The following MAGI1 variants were observed in gnomAD, a reference collection of about 807,000 sequenced individuals.
MAGI1 encodes the protein membrane-associated guanylate kinase, WW and PDZ domain-containing protein 1.
MAGI1 carries 58 observed loss-of-function variants against 139.9 expected under a neutral mutation model. That is an observed-to-expected ratio of 0.41 (90% CI 0.34 to 0.52). The LOEUF (loss-of-function observed/expected upper bound fraction) is 0.52. Among genes scored for constraint, MAGI1 ranks in the 20% least tolerant of loss-of-function variants. The pLI, the probability that MAGI1 is intolerant of heterozygous loss-of-function variation, is 0.12. For synonymous variants in MAGI1, 812 were observed against 737.9 expected (o/e 1.10, Z -1.63); for missense variants, 1,874 against 1,901.6 (o/e 0.99, Z 0.27).
At chr3:65,968,662 T>A (rs958919426) in intron 1 of MAGI1, among the ~76,000 whole-genome samples, 1 of 151,868 alleles carries the variant, frequency 6.6e-6, no homozygotes, top group Non-Finnish European at 1.5e-5. Context: ...TATACTTGTA[T>A]ACGTATAAAC....
intron 1 of MAGI1, among the ~76,000 whole-genome samples, chr3:65,764,620 T>C (rs1297884553): frequency 6.6e-6 from 1 of 152,218 alleles, no homozygotes; most frequent in Non-Finnish European, 1.5e-5. Context: ...CTCTACAGAA[T>C]GCTTAGGGGA....
chr3:65,430,211 C>T (rs1947351782), intron 11 of MAGI1, 71 bp from the exon 12 acceptor site: 4 of 1,477,532 alleles, frequency 2.7e-6, no homozygotes, highest in Non-Finnish European at 3.7e-6. Flanking sequence ...TATAATATCT[C>T]CCACTAACAT....
At chr3:65,400,294 G>A (rs1189033425) in intron 13 of MAGI1, among the ~76,000 whole-genome samples, 1 of 152,106 alleles carries the variant, frequency 6.6e-6, no homozygotes, top group East Asian at 1.9e-4. Flanking sequence ...AATTATTGCA[G>A]GTTTTTCTCT....
At chr3:65,878,377 A>G (rs1455985045) in intron 1 of MAGI1, among the ~76,000 whole-genome samples, 1 of 152,098 alleles carries the variant, frequency 6.6e-6, no homozygotes, top group Non-Finnish European at 1.5e-5. Context: ...TTAGCCAGGC[A>G]TGGTGGTGGG....
chr3:65,510,120 A>G (rs956310847), intron 2 of MAGI1, among the ~76,000 whole-genome samples: 1 of 152,192 alleles, frequency 6.6e-6, no homozygotes, highest in African/African-American at 2.4e-5. Flanking sequence ...AAACTAACAA[A>G]CAGAAAGGAC....
At chr3:65,908,493 C>T (rs1160637104) in intron 1 of MAGI1, among the ~76,000 whole-genome samples, 1 of 152,112 alleles carries the variant, frequency 6.6e-6, no homozygotes, top group East Asian at 1.9e-4. Context: ...ACCATCTTGG[C>T]CAGGCTGGTC....
intron 2 of MAGI1, among the ~76,000 whole-genome samples, chr3:65,605,880 A>G (rs1230250274): frequency 6.6e-6 from 1 of 152,198 alleles, no homozygotes; most frequent in Non-Finnish European, 1.5e-5. Flanking sequence ...GTCCACTTCT[A>G]CCCACAACCC....
At chr3:65,609,582 T>A (rs1485167167) in intron 2 of MAGI1, among the ~76,000 whole-genome samples, 1 of 150,500 alleles carries the variant, frequency 6.6e-6, no homozygotes, top group Non-Finnish European at 1.5e-5. Flanking sequence ...TTTTTTTTGT[T>A]TTTTGTTTTT....
intron 1 of MAGI1, among the ~76,000 whole-genome samples, chr3:65,813,085 C>T (rs943860791): frequency 6.6e-6 from 1 of 151,604 alleles, no homozygotes; most frequent in African/African-American, 2.4e-5. Flanking sequence ...TAAAAATACA[C>T]AGTCACAACA....
intron 12 of MAGI1, among the ~76,000 whole-genome samples, chr3:65,422,804 T>C (rs981969856): frequency 2.0e-5 from 3 of 151,610 alleles, no homozygotes; most frequent in African/African-American, 7.3e-5. Flanking sequence ...AAGATGTGAG[T>C]GAGGAGGTCC....
chr3:65,922,036 G>A (rs1222302710), intron 1 of MAGI1, among the ~76,000 whole-genome samples: 1 of 151,968 alleles, frequency 6.6e-6, no homozygotes, highest in Non-Finnish European at 1.5e-5. Flanking sequence ...AGTGTATCAA[G>A]TACCTGCCAT....
chr3:66,037,610 T>A (rs1393640177), intron 1 of MAGI1, among the ~76,000 whole-genome samples: 1 of 152,128 alleles, frequency 6.6e-6, no homozygotes, highest in African/African-American at 2.4e-5. Flanking sequence ...GGAAACTGAC[T>A]CGTGGCCAAA....
At chr3:65,991,772 T>G (rs975923209) in intron 1 of MAGI1, among the ~76,000 whole-genome samples, 1 of 152,152 alleles carries the variant, frequency 6.6e-6, no homozygotes, top group African/African-American at 2.4e-5. Context: ...CCCAGCACTT[T>G]GAGAGGCCGA....
intron 12 of MAGI1, among the ~76,000 whole-genome samples, chr3:65,406,508 A>T (rs570657903): frequency 1.3e-5 from 2 of 152,216 alleles, no homozygotes; most frequent in Non-Finnish European, 2.9e-5. Context: ...TTTGTCATCA[A>T]TTTACATTTT....
chr3:65,770,321 A>G (rs1022212812), intron 1 of MAGI1, among the ~76,000 whole-genome samples: 1 of 152,214 alleles, frequency 6.6e-6, no homozygotes, highest in African/African-American at 2.4e-5. Flanking sequence ...ACTAATTATT[A>G]AAAGTATGAA....
At chr3:65,532,169 G>T (rs2078744811) in intron 2 of MAGI1, among the ~76,000 whole-genome samples, 1 of 152,072 alleles carries the variant, frequency 6.6e-6, no homozygotes, top group African/African-American at 2.4e-5. Context: ...TTACTCCAAT[G>T]GTTTCTATTC....
chr3:65,415,839 C>T (rs1020502568), intron 12 of MAGI1, among the ~76,000 whole-genome samples: 4 of 152,114 alleles, frequency 2.6e-5, no homozygotes, highest in African/African-American at 9.7e-5. Context: ...GGGGTGCTAC[C>T]GGCAGCTAGT....
intron 1 of MAGI1, among the ~76,000 whole-genome samples, chr3:65,948,573 G>C (rs1249250418): frequency 6.6e-6 from 1 of 152,088 alleles, no homozygotes; most frequent in Non-Finnish European, 1.5e-5. Context: ...TGAAAATTTT[G>C]GAAAGTTCAG....
At chr3:65,597,927 G>T (rs1294618866) in intron 2 of MAGI1, 16 of 136,298 alleles carry the variant, frequency 1.2e-4, no homozygotes, top group African/African-American at 6.2e-4. Flanking sequence ...GGCGGGGGTG[G>T]GGGGGGGGTG....
Sources: allele counts gnomAD v4.1 joint callset (sites outside exome capture counted in the v4.1 genomes callset), GRCh38; gene constraint gnomAD v4.1.1; transcripts MANE v1.5; gene names NCBI Gene and HGNC (gene_info 2026-07-23, HGNC 2026-07-21).